Variants in SLC25A45 observed in about 807,000 individuals in gnomAD.
SLC25A45 encodes the protein solute carrier family 25 member 45.
A neutral mutation model predicts 23.0 loss-of-function variants in SLC25A45; 22 were observed. The ratio of observed to expected loss-of-function variants is 0.95; its 90% CI spans 0.68 to 1.36. The LOEUF (loss-of-function observed/expected upper bound fraction) is 1.36, where lower values mean the gene tolerates loss of function less well. Ranked by LOEUF, SLC25A45 falls within the 40% of genes most tolerant of loss-of-function variation. SLC25A45 has a pLI of 0.00. For synonymous variants in SLC25A45, 136 were observed against 155.0 expected, an observed-to-expected ratio of 0.88 and a Z score of 0.91; for missense variants, 355 against 383.5, an observed-to-expected ratio of 0.93 and a Z score of 0.62.
Position 65,376,341 on chromosome 11 carries a change from C to A in SLC25A45, c.*66G>T. On this transcript the variant is annotated 3_prime_UTR_variant, in exon 7 of 7. Coordinates refer to ENST00000398802, the MANE Select transcript of SLC25A45 (RefSeq NM_182556.4). ...ACTGATTTGCAAGCTTTCAACCTGGCCTCCAATCTCAAACTGGCCTCCAGG... is the reference window on the plus strand; with the variant it reads ...ACTGATTTGCAAGCTTTCAACCTGGACTCCAATCTCAAACTGGCCTCCAGG... 1 of 1,565,516 alleles carries A rather than the reference C, an allele frequency of 6.4e-7. No homozygotes were observed. The highest frequency in any genetic ancestry group is 8.7e-7 in the Non-Finnish European group (1 of 1,148,428).
chr11:65,376,888 G>C lies in SLC25A45; in HGVS notation c.528C>G (p.Pro176=). Reference sequence around the variant, plus strand: ...AGGTGATGAAGTAGATCCCCACCGTGGGGGTGTCCCTCAGCGTCAGGGCCC... The same window carrying C: ...AGGTGATGAAGTAGATCCCCACCGTCGGGGTGTCCCTCAGCGTCAGGGCCC... ...GAWALTLRDT[P]TVGIYFITYE... The change falls in exon 6 of 7, where the codon CCC becomes CCG. Residue 176 remains proline (P), a synonymous_variant. Transcript: ENST00000398802. 1 of 1,614,164 alleles carries C rather than the reference G, an allele frequency of 6.2e-7. No homozygotes were observed.
intron 2 of SLC25A45, chr11:65,380,497 AG>A (rs1398168085): frequency 2.9e-6 from 4 of 1,370,596 alleles, no homozygotes; most frequent in Non-Finnish European, 3.9e-6. Context: ...ACCGCCTATG[AG>A]CCGCGGGACT....
At chr11:65,377,548 A>G in intron 5 of SLC25A45, 2 of 376,984 alleles carry the variant, frequency 5.3e-6, no homozygotes, top group Non-Finnish European at 7.3e-6. Flanking sequence ...CACCTCTCAG[A>G]GGCCCGGAGG....
chr11:65,379,222 G>A, intron 5 of SLC25A45, 154 bp downstream of exon 5: 1 of 811,058 alleles, frequency 1.2e-6, no homozygotes, highest in Non-Finnish European at 1.9e-6. Flanking sequence ...TCCCCCAGAG[G>A]CCTGCAGCCT....
intron 2 of SLC25A45, chr11:65,381,303 G>T (rs1855541680): frequency 6.5e-6 from 1 of 153,510 alleles, no homozygotes; most frequent in Non-Finnish European, 1.5e-5. Flanking sequence ...GCTAATTTTT[G>T]TATTTTTAGT....
intron 2 of SLC25A45, 140 bp from the exon 3 acceptor site, chr11:65,380,315 A>C: frequency 3.1e-6 from 4 of 1,287,816 alleles, no homozygotes; most frequent in Non-Finnish European, 4.4e-6. Context: ...CCTTCCTGCC[A>C]AGCTCTAGAG....
rs1342701995 is a variant in SLC25A45 at position 65,382,123 on chromosome 11, GT to G, written c.-18-155del. 1 of 655,094 alleles carries G rather than the reference GT, an allele frequency of 1.5e-6. No individual in the cohort carries two copies. Among genetic ancestry groups the G allele is most frequent in the African/African-American group, 1.8e-5 (1 of 56,122 alleles). 40.6% of individuals were successfully genotyped at this position (655,094 alleles called of 1,614,324 possible). On this transcript the variant is annotated intron_variant, in intron 1 of 6. Transcript: ENST00000398802. The surrounding 1 kb of genome is among the most constrained non-coding windows in gnomAD (Gnocchi z 4.4). ...GCAACTGGCAGAGGAGAGCGAGCCA[GT>G]TCCGGTGACCCTGGCCACCTGGAGG...
chr11:65,377,137 T>C, intron 5 of SLC25A45, 61 bp from the exon 6 acceptor site: 1 of 1,552,222 alleles, frequency 6.4e-7, no homozygotes, highest in Non-Finnish European at 8.7e-7. Context: ...TGGCCCCTTA[T>C]ATTCACAAGA....
chr11:65,376,987 C>T lies in SLC25A45; in HGVS notation c.429G>A (p.Arg143=). 3 of 1,613,422 alleles carry T rather than the reference C, an allele frequency of 1.9e-6. No individual in the cohort carries two copies. The highest frequency in any genetic ancestry group is 8.5e-7 in the Non-Finnish European group (1 of 1,179,652). ...PRAQPGSPPP[R]YQGPVHCAAS... ...CTGCACAGTGCACGGGCCCCTGGTACCGGGGTGGGGGGCTCCCTGGCTGGG... is the reference window on the plus strand; with the variant it reads ...CTGCACAGTGCACGGGCCCCTGGTATCGGGGTGGGGGGCTCCCTGGCTGGG... The change falls in exon 6 of 7, where the codon CGG becomes CGA. Residue 143 remains arginine, a synonymous_variant. Transcript: ENST00000398802.
At position 65,376,277 on chromosome 11, in the gene SLC25A45, G is replaced by T. The variant is rs966571338; in HGVS notation, c.*130C>A. On this transcript the variant is annotated 3_prime_UTR_variant, in exon 7 of 7. Transcript: ENST00000398802. The stretch of plus-strand genomic sequence containing the variant: ...GTCTGCCCAGCCCAGATCTGCGCGG[G>T]TGGGAGGCACCTTGGTTAGGAAGGG... The T allele has an allele frequency of 8.4e-7, 1 of 1,187,076 alleles. No individual in the cohort carries two copies. Among genetic ancestry groups the T allele is most frequent in the Non-Finnish European group, 1.2e-6 (1 of 845,254 alleles). 73.5% of individuals were successfully genotyped at this position (1,187,076 alleles called of 1,614,324 possible).
At chr11:65,377,334 T>A in intron 5 of SLC25A45, 1 of 1,351,838 alleles carries the variant, frequency 7.4e-7, no homozygotes, top group South Asian at 1.8e-5. Flanking sequence ...CCAACTTGCC[T>A]GGCCTACAGC....
chr11:65,379,403 T>C lies in SLC25A45; in HGVS notation c.312A>G (p.Leu104=). 6.2e-7 allele frequency: 1 copy of C among 1,612,024 alleles called. No individual in the cohort carries two copies. The highest frequency in any genetic ancestry group is 1.7e-5 in the Admixed American group (1 of 60,002). The change falls in exon 5 of 7, where the codon CTA becomes CTG. Residue 104 remains leucine (L), a synonymous_variant. Transcript: ENST00000398802. ...AQPPSYMHIF[L]AGCTGGFLQA... is the part of the protein sequence containing the mutation. ...GCAGGAACCCCCCGGTGCAGCCCGC[T>C]AGGAAGATGTGCATGTAGCTGGGCG...
At position 65,375,437 on chromosome 11, in the gene SLC25A45, G is replaced by A. The variant is rs1855101656; in HGVS notation, c.*970C>T. Reference sequence around the variant, plus strand: ...AAGTCAAGGAAGGGTGAGGGGACTGGGCTCAGCCTGGGTCTCGGAGGAGAG... The same window carrying A: ...AAGTCAAGGAAGGGTGAGGGGACTGAGCTCAGCCTGGGTCTCGGAGGAGAG... On this transcript the variant is annotated 3_prime_UTR_variant, in exon 7 of 7. Transcript: ENST00000398802. 2 of 152,532 alleles carry A rather than the reference G, an allele frequency of 1.3e-5. No homozygotes were observed. The highest frequency in any genetic ancestry group is 4.8e-5 in the African/African-American group (2 of 41,462). 9.4% of individuals were successfully genotyped at this position (152,532 alleles called of 1,614,324 possible).
In SLC25A45 at chr11:65,376,858, T is replaced by G. The variant is rs778747152; in HGVS notation, c.558A>C (p.Glu186Asp). 1 of 1,614,100 alleles carries G rather than the reference T, an allele frequency of 6.2e-7. No individual in the cohort carries two copies. Among genetic ancestry groups the G allele is most frequent in the Non-Finnish European group, 8.5e-7 (1 of 1,180,038 alleles). The stretch of plus-strand genomic sequence containing the variant: ...CTGGTGTGTACTGGCGACAGAGCCC[T>G]TCATAGGTGATGAAGTAGATCCCCA... ...PTVGIYFITY[E>D]GLCRQYTPEG... Residue 186 changes from glutamate (E) to aspartate (D), a missense_variant, in exon 6 of 7, where the codon GAA becomes GAC. Physicochemically the swap from Glu to Asp is conservative, Grantham distance 45. Transcript: ENST00000398802.
intron 1 of SLC25A45, 23 bp from the exon 2 acceptor site, chr11:65,381,992 C>T (rs1855590653): frequency 6.4e-7 from 1 of 1,567,808 alleles, no homozygotes; most frequent in Non-Finnish European, 8.8e-7. Context: ...GCAGAGGAGA[C>T]AGAGTTGAAT....
At position 65,377,086 on chromosome 11, in the gene SLC25A45, A is replaced by T. The variant is rs1195944316; in HGVS notation, c.340-10T>A. 32 of 1,610,306 alleles carry T rather than the reference A, an allele frequency of 2.0e-5. No individual in the cohort carries two copies. Among genetic ancestry groups the T allele is most frequent in the Non-Finnish European group, 2.6e-5 (31 of 1,178,036 alleles). On this transcript the variant is annotated splice_polypyrimidine_tract_variant and intron_variant, in intron 5 of 6. Transcript: ENST00000398802. ...GAGCCAGACAGTAGGCCTGTTGGTG[A>T]TGAAACATGAGGGCCCCGGGTGGGG...
At position 65,379,905 on chromosome 11, in the gene SLC25A45, T is replaced by C; in HGVS notation, c.115A>G (p.Ile39Val). The change falls in exon 4 of 7, where the codon ATC (isoleucine) becomes GTC (valine). Residue 39 changes from isoleucine to valine, a missense_variant. Physicochemically the swap from Ile to Val is conservative, Grantham distance 29. Coordinates refer to ENST00000398802, the MANE Select transcript of SLC25A45 (RefSeq NM_182556.4). Reference protein sequence around the residue: ...RLQTQTTYRGIVDCMVKIYRH... With the variant: ...RLQTQTTYRGVVDCMVKIYRH... ...TAAATCTTGACCATGCAATCAACGA[T>C]GCCCCGGTAGGTGGTCTGGGTCTGC... The C allele has an allele frequency of 3.7e-6, 6 of 1,614,198 alleles. No homozygotes were observed. The highest frequency in any genetic ancestry group is 1.1e-5 in the South Asian group (1 of 91,088).
At position 65,376,063 on chromosome 11, in the gene SLC25A45, C is replaced by T. The variant is rs182956696; in HGVS notation, c.*344G>A. The stretch of plus-strand genomic sequence containing the variant: ...CCAGCCTGGGTGACAGAGAAAGACT[C>T]CATCTCAAAAAAAAAAAAAAAAAAA... On this transcript the variant is annotated 3_prime_UTR_variant, in exon 7 of 7. Transcript: ENST00000398802. 8.6e-5 allele frequency: 22 copies of T among 256,650 alleles called. 1 individual carries two copies. The East Asian group carries it at 1.4e-3, about 17-fold the overall frequency. The allele number at this position is 256,650 out of a possible 1,614,324, so 15.9% of individuals were successfully genotyped here.
chr11:65,381,728 T>G, intron 2 of SLC25A45, 187 bp downstream of exon 2: 13 of 661,994 alleles, frequency 2.0e-5, no homozygotes, highest in South Asian at 1.7e-4. Flanking sequence ...CTAATTATTT[T>G]GATTTTTTTG....
Sources: gnomAD v4.1 joint callset for allele counts on GRCh38, gnomAD v4.1.1 for gene constraint, Gnocchi (gnomAD v3.1) non-coding constraint, MANE v1.5 for transcripts, NCBI Gene and HGNC (gene_info 2026-07-23, HGNC 2026-07-21) for gene names.